DYRK1A: variants seen among roughly 807,000 people sequenced by gnomAD.
DYRK1A encodes dual specificity tyrosine phosphorylation regulated kinase 1A.
DYRK1A carries 9 observed loss-of-function variants against 79.7 expected under a neutral mutation model. The ratio of observed to expected loss-of-function variants is 0.11; its 90% CI spans 0.07 to 0.20. The LOEUF (loss-of-function observed/expected upper bound fraction) is 0.20, where lower values mean the gene tolerates loss of function less well. Among genes scored for constraint, DYRK1A ranks in the 10% least tolerant of loss-of-function variants. DYRK1A has a pLI of 1.00. For synonymous variants in DYRK1A, 349 were observed against 329.7 expected (o/e 1.06, Z -0.63); for missense variants, 622 against 956.0 (o/e 0.65, Z 4.61).
intron 1 of DYRK1A, among the ~76,000 whole-genome samples, chr21:37,400,897 C>A (rs2050040450): frequency 6.6e-6 from 1 of 152,148 alleles, no homozygotes; most frequent in Middle Eastern, 3.2e-3. Flanking sequence ...GTAATCCCAG[C>A]ACTTTGGGAG....
rs996131211 is a variant in DYRK1A at position 37,493,558 on chromosome 21, A to G, written c.1071+395A>G. Among the ~76,000 whole-genome samples, 56 of 152,214 alleles carry G rather than the reference A, an allele frequency of 3.7e-4. 1 individual carries two copies. The highest frequency in any genetic ancestry group is 1.3e-3 in the African/African-American group (55 of 41,460). ...GTAATGATCAGTAGGACTGATGGATACTCAGTCTGAATAATGTAGAGTAAA... is the reference window on the plus strand; with the variant it reads ...GTAATGATCAGTAGGACTGATGGATGCTCAGTCTGAATAATGTAGAGTAAA... On this transcript the variant is annotated intron_variant, in intron 8 of 11. Transcript: ENST00000647188.
intron 4 of DYRK1A, among the ~76,000 whole-genome samples, chr21:37,479,546 T>C (rs1452507961): frequency 6.8e-6 from 1 of 147,204 alleles, no homozygotes; most frequent in Non-Finnish European, 1.5e-5. Flanking sequence ...TCCTAGTTCA[T>C]CTAGTATTTT....
chr21:37,472,977 A>G (rs965772504), intron 3 of DYRK1A, 97 bp downstream of exon 3: 3 of 924,526 alleles, frequency 3.2e-6, no homozygotes, highest in East Asian at 2.8e-5. Context: ...AATGGCTTTC[A>G]GTTTTACATG....
chr21:37,495,160 G>GTGTGTGTGTA (rs1569384066), intron 8 of DYRK1A, among the ~76,000 whole-genome samples: 1 of 55,286 alleles, frequency 1.8e-5, no homozygotes, highest in African/African-American at 6.7e-5. Flanking sequence ...TTTTGTGTGT[G>GTGTGTGTGTA]TGTGTGTGTG....
chr21:37,504,179 A>C (rs974869883), intron 9 of DYRK1A: 8 of 152,172 alleles, frequency 5.3e-5, no homozygotes, highest in African/African-American at 1.9e-4. Context: ...CATTCCCTTC[A>C]GCAGTGTTTG....
At chr21:37,377,749 G>C (rs566339352) in intron 1 of DYRK1A, among the ~76,000 whole-genome samples, 1 of 152,332 alleles carries the variant, frequency 6.6e-6, no homozygotes, top group Admixed American at 6.5e-5. Context: ...GTGAGACACT[G>C]CCCAGCCTCT....
At chr21:37,465,997 C>T (rs550476062) in intron 2 of DYRK1A, among the ~76,000 whole-genome samples, 109 of 152,262 alleles carry the variant, frequency 7.2e-4, no homozygotes, top group African/African-American at 2.4e-3. Flanking sequence ...TGATGCAGCC[C>T]CTCAGTAAGT....
At chr21:37,506,419 A>C (rs372914084) in intron 11 of DYRK1A, 196 bp downstream of exon 11, 74 of 1,477,950 alleles carry the variant, frequency 5.0e-5, no homozygotes, top group East Asian at 3.7e-4. Context: ...GAAGTGGCTA[A>C]CACTTATTGG....
intron 1 of DYRK1A, chr21:37,415,545 G>A (rs1290415554): frequency 2.0e-5 from 3 of 151,734 alleles, no homozygotes; most frequent in Admixed American, 1.3e-4. Flanking sequence ...GCTCACTGCA[G>A]CCTTGACTTC....
intron 2 of DYRK1A, chr21:37,428,979 T>A (rs1415492824): frequency 6.6e-6 from 1 of 152,258 alleles, no homozygotes; most frequent in Non-Finnish European, 1.5e-5. Flanking sequence ...TCTCTGGTGG[T>A]GAATACCAGG....
rs139340687 is a variant in DYRK1A at position 37,484,146 on chromosome 21, G to C, written c.490-2321G>C. Among the ~76,000 whole-genome samples the C allele has an allele frequency of 8.8e-3, 1,332 of 152,214 alleles. 13 individuals are homozygous for C. The highest frequency in any genetic ancestry group is 0.027 in the Middle Eastern group (8 of 294). On this transcript the variant is annotated intron_variant, in intron 5 of 11. Coordinates refer to ENST00000647188, the MANE Select transcript of DYRK1A (RefSeq NM_001347721.2). ...ACTGTGCATGCGAGGGATCTAGGTT[G>C]TGTACTCCTTATGAAAATCTAATGC...
intron 1 of DYRK1A, among the ~76,000 whole-genome samples, chr21:37,412,299 G>T (rs576337253): frequency 1.3e-5 from 2 of 152,276 alleles, no homozygotes; most frequent in African/African-American, 2.4e-5. Context: ...TTATAGAGGG[G>T]TTAAATCCAG....
intron 11 of DYRK1A, among the ~76,000 whole-genome samples, chr21:37,509,220 C>G (rs142762704): frequency 5.9e-5 from 9 of 152,272 alleles, no homozygotes; most frequent in African/African-American, 2.2e-4. Flanking sequence ...CATATTCAAG[C>G]AAATACAAAT....
rs1400689677 is a variant in DYRK1A, at chr21:37,386,796, C to T, written c.-77+19168C>T. 7.9e-5 allele frequency among the ~76,000 whole-genome samples: 12 copies of T among 152,260 alleles called. No homozygotes were observed. In the East Asian group the frequency reaches 2.3e-3, roughly 29 times the overall value. On this transcript the variant is annotated intron_variant, in intron 1 of 11. Coordinates refer to ENST00000647188, the MANE Select transcript of DYRK1A (RefSeq NM_001347721.2). ...CCCTTTAGTCACTGGCAGGCTCTAT[C>T]CTCAGATTAATCAGATGGTTGCGGC... is the stretch of plus-strand genomic sequence containing the variant.
At chr21:37,424,942 TCAA>T (rs1464185326) in intron 2 of DYRK1A, among the ~76,000 whole-genome samples, 1 of 152,168 alleles carries the variant, frequency 6.6e-6, no homozygotes. Flanking sequence ...AAATAAATCT[TCAA>T]CAGGCAAAAA....
intron 2 of DYRK1A, among the ~76,000 whole-genome samples, chr21:37,452,665 G>A (rs1040770218): frequency 2.0e-5 from 3 of 151,916 alleles, no homozygotes; most frequent in Admixed American, 6.6e-5. Context: ...GGGAAGGGAA[G>A]GGGAGCAGGG....
In DYRK1A at chr21:37,412,986, C is replaced by T. The variant is rs368098277; in HGVS notation, c.-76-7313C>T. 8.5e-5 allele frequency among the ~76,000 whole-genome samples: 13 copies of T among 152,048 alleles called. No homozygotes were observed. The East Asian group carries it at 9.6e-4, about 11-fold the overall frequency. ...AAGATGTATAGAGAAATGAGTGAAG[C>T]GGTCAGGGGATAGAACCAGAGGTCA... On this transcript the variant is annotated intron_variant, in intron 1 of 11. Coordinates refer to ENST00000647188, the MANE Select transcript of DYRK1A (RefSeq NM_001347721.2).
intron 2 of DYRK1A, among the ~76,000 whole-genome samples, chr21:37,434,687 A>T (rs867245343): frequency 3.9e-5 from 6 of 152,198 alleles, no homozygotes; most frequent in African/African-American, 1.4e-4. Flanking sequence ...GTTAATACTT[A>T]ATTGGGTTTT....
chr21:37,420,221 G>C (rs1297302703), intron 1 of DYRK1A, 78 bp from the exon 2 acceptor site: 2 of 474,402 alleles, frequency 4.2e-6, no homozygotes, highest in Non-Finnish European at 7.3e-6. Context: ...TGGGATTGTA[G>C]TTATGTTAGA....
Sources: gnomAD v4.1 joint callset for allele counts (sites outside exome capture counted in the v4.1 genomes callset) on GRCh38, gnomAD v4.1.1 for gene constraint, MANE v1.5 for transcripts, NCBI Gene and HGNC (gene_info 2026-07-23, HGNC 2026-07-21) for gene names.